The following PAX5 variants were observed in gnomAD, a reference collection of about 807,000 sequenced individuals.
PAX5 encodes the protein paired box 5, also known as paired box protein Pax-5.
PAX5 carries 9 observed loss-of-function variants against 43.7 expected under a neutral mutation model. The ratio of observed to expected loss-of-function variants is 0.21; its 90% CI spans 0.12 to 0.36. The LOEUF (loss-of-function observed/expected upper bound fraction) is 0.36. Among genes scored for constraint, PAX5 ranks in the 10% least tolerant of loss-of-function variants. The probability of loss-of-function intolerance (pLI) is 1.00; values close to 1 mark genes in which losing one functional copy is unlikely to be tolerated. For missense variants in PAX5, 383 were observed against 532.7 expected, an observed-to-expected ratio of 0.72 and a Z score of 2.77; for synonymous variants, 228 against 214.3, an observed-to-expected ratio of 1.06 and a Z score of -0.56.
intron 1 of PAX5, among the ~76,000 whole-genome samples, chr9:37,029,409 C>T (rs1840743148): frequency 6.6e-6 from 1 of 152,210 alleles, no homozygotes; most frequent in Non-Finnish European, 1.5e-5. Flanking sequence ...GGCACAGCTG[C>T]GGAAAACGGC....
intron 5 of PAX5, among the ~76,000 whole-genome samples, chr9:36,972,667 G>A (rs1835016799): frequency 6.6e-6 from 1 of 152,034 alleles, no homozygotes; most frequent in South Asian, 2.1e-4. Context: ...GAGTGCTGGG[G>A]GAAAGTCAGA....
intron 5 of PAX5, among the ~76,000 whole-genome samples, chr9:36,984,573 T>G (rs1296954538): frequency 6.6e-6 from 1 of 151,478 alleles, no homozygotes; most frequent in Admixed American, 6.6e-5. Context: ...CCTGAGTAGC[T>G]GGGATTACAG....
At chr9:36,980,619 G>A (rs1203822147) in intron 5 of PAX5, among the ~76,000 whole-genome samples, 1 of 152,196 alleles carries the variant, frequency 6.6e-6, no homozygotes, top group Non-Finnish European at 1.5e-5. Context: ...GGTTGGGGGA[G>A]GAGGGTCATA....
intron 7 of PAX5, among the ~76,000 whole-genome samples, chr9:36,897,525 A>C (rs941277316): frequency 1.1e-4 from 16 of 151,844 alleles, no homozygotes; most frequent in Admixed American, 2.6e-4. Context: ...CAAGAAAAAA[A>C]CAAAACCTTA....
At chr9:36,902,906 A>C (rs1366024546) in intron 7 of PAX5, among the ~76,000 whole-genome samples, 1 of 152,190 alleles carries the variant, frequency 6.6e-6, no homozygotes, top group Non-Finnish European at 1.5e-5. Context: ...CAGCTAGAAA[A>C]GAGTAGCTGC....
intron 8 of PAX5, among the ~76,000 whole-genome samples, chr9:36,847,661 A>G (rs1197597955): frequency 6.6e-6 from 1 of 152,084 alleles, no homozygotes; most frequent in African/African-American, 2.4e-5. Context: ...CTTGGGCAGG[A>G]GCTGTGAGGT....
chr9:36,979,167 C>A (rs1475709689), intron 5 of PAX5, among the ~76,000 whole-genome samples: 1 of 152,178 alleles, frequency 6.6e-6, no homozygotes, highest in Admixed American at 6.5e-5. Context: ...GGCTCGACTC[C>A]TCTTGGATAC....
chr9:37,003,327 C>A (rs1838105334), intron 4 of PAX5, among the ~76,000 whole-genome samples: 1 of 152,120 alleles, frequency 6.6e-6, no homozygotes, highest in Non-Finnish European at 1.5e-5. Context: ...AGTTTTCTTG[C>A]TGCCTTTTCT....
chr9:36,964,237 C>T (rs538642883), intron 6 of PAX5, among the ~76,000 whole-genome samples: 155 of 151,322 alleles, frequency 1.0e-3, no homozygotes, highest in African/African-American at 3.4e-3. Flanking sequence ...GCCGAGATCG[C>T]GCCACTGCAC....
intron 8 of PAX5, among the ~76,000 whole-genome samples, chr9:36,881,373 C>G (rs34998994): frequency 0.018 from 2,730 of 152,230 alleles, 35 homozygotes; most frequent in Non-Finnish European, 0.029. Flanking sequence ...TGCTAATGCC[C>G]TTAACACCCA....
intron 8 of PAX5, among the ~76,000 whole-genome samples, chr9:36,851,030 C>T (rs1348943915): frequency 3.3e-5 from 5 of 152,192 alleles, no homozygotes; most frequent in Non-Finnish European, 7.3e-5. Context: ...GCTGAAAGCA[C>T]GCTCTGCCAT....
At chr9:37,004,573 G>C (rs1432121798) in intron 4 of PAX5, among the ~76,000 whole-genome samples, 1 of 152,142 alleles carries the variant, frequency 6.6e-6, no homozygotes, top group Non-Finnish European at 1.5e-5. Flanking sequence ...ATTTCAGTTT[G>C]ATCTCACATC....
chr9:36,861,167 T>C (rs1172282112), intron 8 of PAX5: 2 of 151,866 alleles, frequency 1.3e-5, no homozygotes, highest in African/African-American at 4.8e-5. Context: ...CCTGGTGGCA[T>C]CTGCCTTGAC....
At chr9:36,990,391 A>T (rs2132323917) in intron 5 of PAX5, among the ~76,000 whole-genome samples, 1 of 152,300 alleles carries the variant, frequency 6.6e-6, no homozygotes, top group South Asian at 2.1e-4. Flanking sequence ...GTTTGGTATG[A>T]CTGGAGTGCG....
At chr9:36,994,055 C>T (rs1018076423) in intron 5 of PAX5, among the ~76,000 whole-genome samples, 47 of 152,144 alleles carry the variant, frequency 3.1e-4, no homozygotes, top group Admixed American at 1.0e-3. Context: ...AACTTGGGGA[C>T]CCAGGAGCGA....
chr9:36,931,550 C>CA (rs377645934), intron 6 of PAX5, among the ~76,000 whole-genome samples: 1 of 151,852 alleles, frequency 6.6e-6, no homozygotes, highest in Non-Finnish European at 1.5e-5. Flanking sequence ...CATTAAATAA[C>CA]AAAAAACAAA....
In PAX5 at chr9:36,927,548, G is replaced by A. The variant is rs551865533; in HGVS notation, c.781-4064C>T. Among the ~76,000 whole-genome samples, 3 of 152,256 alleles carry A rather than the reference G, an allele frequency of 2.0e-5. No homozygotes were observed. In the South Asian group the frequency reaches 6.2e-4, roughly 32 times the overall value. ...TTAAGACAAGAAATCTTCAACTTAT[G>A]TTATACATGCAGCGGGAGGTCCGAA... On this transcript the variant is annotated intron_variant, in intron 6 of 9. Transcript: ENST00000358127.
intron 6 of PAX5, among the ~76,000 whole-genome samples, chr9:36,928,316 T>C (rs557294620): frequency 6.6e-6 from 1 of 152,228 alleles, no homozygotes; most frequent in Admixed American, 6.5e-5. Flanking sequence ...ACTCCGTGAC[T>C]TAGAGAACTC....
At chr9:36,891,236 G>T (rs987844840) in intron 7 of PAX5, among the ~76,000 whole-genome samples, 1 of 152,262 alleles carries the variant, frequency 6.6e-6, no homozygotes, top group Non-Finnish European at 1.5e-5. Context: ...TTTGACACCT[G>T]TTGTAGGAAA....
Sources: gnomAD v4.1 joint callset for allele counts (sites outside exome capture counted in the v4.1 genomes callset) on GRCh38, gnomAD v4.1.1 for gene constraint, MANE v1.5 for transcripts, NCBI Gene and HGNC (gene_info 2026-07-23, HGNC 2026-07-21) for gene names.